Variants in SHPRH observed in about 807,000 individuals in gnomAD.
SHPRH encodes E3 ubiquitin-protein ligase SHPRH.
Under a neutral mutation model 202.5 loss-of-function variants are expected in SHPRH, and 106 were observed. The ratio of observed to expected loss-of-function variants is 0.52; its 90% CI spans 0.45 to 0.62. The LOEUF is 0.62. Ranked by LOEUF, SHPRH falls within the 20% of genes least tolerant of loss-of-function variation. The pLI is 0.00. For missense variants in SHPRH, 1,710 were observed against 2,020.0 expected, an observed-to-expected ratio of 0.85 and a Z score of 2.94; for synonymous variants, 729 against 686.0, an observed-to-expected ratio of 1.06 and a Z score of -0.98.
At chr6:145,922,252 T>C in intron 20 of SHPRH, 34 bp downstream of exon 20, 1 of 1,571,816 alleles carries the variant, frequency 6.4e-7, no homozygotes, top group African/African-American at 1.4e-5. Context: ...ATGTTTCATT[T>C]TCTTGATGGG....
chr6:145,869,970 C>T (rs949383342), intron 2 of SHPRH, among the ~76,000 whole-genome samples: 6 of 151,944 alleles, frequency 3.9e-5, no homozygotes, highest in African/African-American at 1.4e-4. Flanking sequence ...CCTTGCTATC[C>T]ACAAACATGG....
intron 25 of SHPRH, among the ~76,000 whole-genome samples, chr6:145,899,775 C>A (rs1562297578): frequency 6.6e-6 from 1 of 152,000 alleles, no homozygotes; most frequent in African/African-American, 2.4e-5. Context: ...GAGTTATTAT[C>A]CAAAATATAC....
chr6:145,913,407 G>C, intron 24 of SHPRH, 71 bp downstream of exon 24: 2 of 1,406,666 alleles, frequency 1.4e-6, no homozygotes, highest in Non-Finnish European at 9.9e-7. Flanking sequence ...ACGAGAGAAA[G>C]ATTTTATGTA....
intron 1 of SHPRH, 61 bp from the exon 2 acceptor site, chr6:145,955,415 C>A: frequency 7.0e-7 from 1 of 1,435,906 alleles, no homozygotes; most frequent in Non-Finnish European, 9.3e-7. Flanking sequence ...TTAAGGGTTA[C>A]CAGATGAGAA....
rs768277465 is a variant in SHPRH, at chr6:145,955,184, A to C, written c.139T>G (p.Ser47Ala). The change falls in exon 2 of 30, where the codon TCA becomes GCA. Residue 47 changes from serine to alanine, a missense_variant. Around this residue, in one of 8 missense-constraint regions of SHPRH, gnomAD observed 459 missense variants for 426.5 expected, o/e 1.08. Coordinates refer to ENST00000275233, the MANE Select transcript of SHPRH (RefSeq NM_001042683.3). ...ATATAATGAGCAGAAGAGGTATCTGAACCTGGGCAGGGCTGCTCGTCATCA... is the reference window on the plus strand; with the variant it reads ...ATATAATGAGCAGAAGAGGTATCTGCACCTGGGCAGGGCTGCTCGTCATCA... The part of the protein sequence containing the change: ...SDDDEQPCPG[S>A]DTSSAHYIIL... 1.9e-6 allele frequency: 3 copies of C among 1,613,836 alleles called. No individual in the cohort carries two copies. Among genetic ancestry groups the C allele is most frequent in the Middle Eastern group, 1.6e-4 (1 of 6,062 alleles).
At chr6:145,954,092 A>C (rs1385597405) in intron 2 of SHPRH, among the ~76,000 whole-genome samples, 1 of 151,822 alleles carries the variant, frequency 6.6e-6, no homozygotes, top group African/African-American at 2.4e-5. Context: ...TAAATGCTAT[A>C]CTAAATATTA....
chr6:145,941,821 T>C lies in SHPRH; in HGVS notation c.2292A>G (p.Glu764=), dbSNP rs1199544455. ...CATAGGTAATGATAACTATATCCTG[T>C]TCTGCCAAAAAATGAGGTTGTAAAA... ...DGFLQPHFLA[E]QDIVIITYDV... The change falls in exon 10 of 30, where the codon GAA becomes GAG. Residue 764 remains glutamate (E), a synonymous_variant. Coordinates refer to ENST00000275233, the MANE Select transcript of SHPRH (RefSeq NM_001042683.3). 11 of 1,613,880 alleles carry C rather than the reference T, an allele frequency of 6.8e-6. No individual in the cohort carries two copies. Among genetic ancestry groups the C allele is most frequent in the Non-Finnish European group, 7.6e-6 (9 of 1,179,956 alleles).
chr6:145,948,808 G>T (rs531856611), intron 4 of SHPRH, among the ~76,000 whole-genome samples: 1 of 152,020 alleles, frequency 6.6e-6, no homozygotes, highest in African/African-American at 2.4e-5. Flanking sequence ...TCTGAGAGTG[G>T]GAAGAAAGGC....
At chr6:145,866,321 T>C (rs1180916236) in intron 2 of SHPRH, among the ~76,000 whole-genome samples, 2 of 152,244 alleles carry the variant, frequency 1.3e-5, no homozygotes, top group African/African-American at 4.8e-5. Flanking sequence ...TTAACCTTTT[T>C]CTGAAAATTA....
In SHPRH at chr6:145,959,756, G is replaced by A. The variant is rs558858664; in HGVS notation, c.-33+3975C>T. 4.6e-5 allele frequency among the ~76,000 whole-genome samples: 7 copies of A among 152,306 alleles called. No homozygotes were observed. The South Asian group carries it at 1.5e-3, about 32-fold the overall frequency. ...GACAGTGCTTGTTTAAGTCAATCATGAGAATTCTATTCCCTTAGCCCGTGC... is the reference window on the plus strand; with the variant it reads ...GACAGTGCTTGTTTAAGTCAATCATAAGAATTCTATTCCCTTAGCCCGTGC... On this transcript the variant is annotated intron_variant, in intron 1 of 29. Transcript: ENST00000275233.
chr6:145,905,048 GT>G (rs1782836036), intron 25 of SHPRH: 1 of 152,096 alleles, frequency 6.6e-6, no homozygotes, highest in Admixed American at 6.6e-5. Flanking sequence ...AGGCTGTGCT[GT>G]TTACCAGTAG....
At chr6:145,928,064 G>T (rs990874229) in intron 14 of SHPRH, among the ~76,000 whole-genome samples, 3 of 151,744 alleles carry the variant, frequency 2.0e-5, no homozygotes, top group East Asian at 1.9e-4. Context: ...AAAATATTTC[G>T]TGACATGTGA....
downstream of SHPRH, among the ~76,000 whole-genome samples, chr6:145,882,511 G>A (rs189553869): frequency 2.4e-4 from 37 of 152,140 alleles, no homozygotes; most frequent in Non-Finnish European, 4.0e-4. Context: ...TAAACATTCT[G>A]ATAAAGATCA....
chr6:145,927,217 T>C lies in SHPRH; in HGVS notation c.3173A>G (p.Lys1058Arg), dbSNP rs1031802544. ...REVLRSSEEH[K>R]GKLKTDSLQR... ...AAGTGAATCAGTTTTGAGTTTTCCT[T>C]TGTGTTCCTCCGAGGAGCGCAACAC... Residue 1058 changes from lysine to arginine, a missense_variant, in exon 15 of 30, where the codon AAA becomes AGA. Transcript: ENST00000275233. 3.1e-6 allele frequency: 5 copies of C among 1,612,106 alleles called. No individual in the cohort carries two copies. Among genetic ancestry groups the C allele is most frequent in the Non-Finnish European group, 4.2e-6 (5 of 1,178,872 alleles).
At chr6:145,962,188 C>A (rs1204032661) in intron 1 of SHPRH, among the ~76,000 whole-genome samples, 1 of 152,194 alleles carries the variant, frequency 6.6e-6, no homozygotes, top group African/African-American at 2.4e-5. Context: ...GCTTCCATGA[C>A]TAGAGAAGCT....
At chr6:145,902,677 G>C (rs1457572011) in intron 25 of SHPRH, among the ~76,000 whole-genome samples, 1 of 152,022 alleles carries the variant, frequency 6.6e-6, no homozygotes, top group Admixed American at 6.6e-5. Context: ...AAAAATCTGA[G>C]TATTGGTGTA....
chr6:145,900,528 G>C (rs1050449300), intron 25 of SHPRH, among the ~76,000 whole-genome samples: 1 of 151,988 alleles, frequency 6.6e-6, no homozygotes, highest in Non-Finnish European at 1.5e-5. Context: ...GGGTTAAATG[G>C]TGCAAAGTTT....
At chr6:145,867,440 C>T (rs1779824996) in intron 2 of SHPRH, among the ~76,000 whole-genome samples, 1 of 151,100 alleles carries the variant, frequency 6.6e-6, no homozygotes, top group Non-Finnish European at 1.5e-5. Context: ...CTGGATTAAC[C>T]TGGTGGACCC....
At chr6:145,900,343 G>A (rs1458326871) in intron 25 of SHPRH, among the ~76,000 whole-genome samples, 2 of 152,040 alleles carry the variant, frequency 1.3e-5, no homozygotes, top group Non-Finnish European at 2.9e-5. Flanking sequence ...AATCCTGTCA[G>A]GTGAGATAAC....
Sources: gnomAD v4.1 joint callset for allele counts (sites outside exome capture counted in the v4.1 genomes callset) on GRCh38, gnomAD v4.1.1 for gene constraint, gnomAD v4.1.1 regional missense constraint, MANE v1.5 for transcripts, NCBI Gene and HGNC (gene_info 2026-07-23, HGNC 2026-07-21) for gene names.